The following DLGAP1 variants were observed in gnomAD, a reference collection of about 807,000 sequenced individuals.
DLGAP1 encodes the protein disks large-associated protein 1.
In DLGAP1, 11 loss-of-function variants were observed where a neutral mutation model predicts 90.8. The ratio of observed to expected loss-of-function variants is 0.12; its 90% confidence interval spans 0.08 to 0.20. DLGAP1 has a LOEUF of 0.20. Ranked by LOEUF, DLGAP1 falls within the 10% of genes least tolerant of loss-of-function variation. DLGAP1 has a pLI of 1.00. For missense variants in DLGAP1, 1,050 were observed against 1,333.8 expected, an observed-to-expected ratio of 0.79 and a Z score of 3.31; for synonymous variants, 558 against 540.7, an observed-to-expected ratio of 1.03 and a Z score of -0.44.
chr18:3,869,282 G>A (rs1438620875), intron 4 of DLGAP1, among the ~76,000 whole-genome samples: 5 of 152,090 alleles, frequency 3.3e-5, no homozygotes, highest in Admixed American at 3.3e-4. Context: ...ATTAATCCAG[G>A]CTGGTGCAGT....
intron 1 of DLGAP1, among the ~76,000 whole-genome samples, chr18:4,281,331 A>G (rs910159471): frequency 6.6e-6 from 1 of 152,042 alleles, no homozygotes; most frequent in Non-Finnish European, 1.5e-5. Flanking sequence ...TGGTTGGATC[A>G]CCTGAGGAAA....
intron 3 of DLGAP1, among the ~76,000 whole-genome samples, chr18:3,897,410 T>C (rs181828857): frequency 4.6e-5 from 7 of 152,320 alleles, no homozygotes; most frequent in East Asian, 3.9e-4. Flanking sequence ...GTATTTTTTT[T>C]CCCAACAAAT....
intron 1 of DLGAP1, among the ~76,000 whole-genome samples, chr18:4,180,385 C>A (rs2077186383): frequency 6.6e-6 from 1 of 152,244 alleles, no homozygotes; most frequent in Admixed American, 6.5e-5. Flanking sequence ...TGGCCAGTCA[C>A]CCCAAAGACA....
intron 8 of DLGAP1, among the ~76,000 whole-genome samples, chr18:3,574,809 ATTTTATTTTATTT>A (rs377535198): frequency 5.1e-5 from 3 of 59,334 alleles, no homozygotes; most frequent in Non-Finnish European, 1.2e-4. Context: ...ATTTTATTTT[ATTTTATTTTATTT>A]TATTTATTTT....
intron 7 of DLGAP1, among the ~76,000 whole-genome samples, chr18:3,583,195 T>C (rs1218503992): frequency 6.1e-5 from 9 of 147,560 alleles, no homozygotes; most frequent in Admixed American, 2.0e-4. Flanking sequence ...CCTTCCTTCC[T>C]TCCTTCCTTC....
chr18:3,574,815 T>G (rs2055015918), intron 8 of DLGAP1, among the ~76,000 whole-genome samples: 1 of 56,854 alleles, frequency 1.8e-5, no homozygotes, highest in African/African-American at 4.9e-5. Context: ...TTTTATTTTA[T>G]TTTATTTTAT....
chr18:4,418,764 G>T (rs1339286440), intron 1 of DLGAP1, among the ~76,000 whole-genome samples: 1 of 152,016 alleles, frequency 6.6e-6, no homozygotes, highest in Non-Finnish European at 1.5e-5. Context: ...AACAGAAAGA[G>T]AAGAGAAACA....
At position 3,499,156 on chromosome 18, in the gene DLGAP1, T is replaced by TCGG; in HGVS notation, c.*28_*29insCCG. ...GGCCGGGGGAGGAGGGGACAGATGC[T>TCGG]TGGCGGCGGCGGCCGGGCTGCGGGG... On this transcript the variant is annotated 3_prime_UTR_variant, in exon 13 of 13. Transcript: ENST00000315677. The surrounding 1 kb of genome is among the most constrained non-coding windows in gnomAD (Gnocchi z 6.4). The TCGG allele has an allele frequency of 6.6e-7, 1 of 1,520,674 alleles. No homozygotes were observed. Among genetic ancestry groups the TCGG allele is most frequent in the Non-Finnish European group, 8.8e-7 (1 of 1,141,758 alleles). The allele number at this position is 1,520,674 out of a possible 1,614,324, so 94.2% of individuals were successfully genotyped here. A position where few individuals can be genotyped will look rare whatever the true frequency, so the allele number is the denominator to read the frequency against.
At chr18:3,564,156 T>A (rs778047193) in intron 9 of DLGAP1, among the ~76,000 whole-genome samples, 2 of 152,188 alleles carry the variant, frequency 1.3e-5, no homozygotes, top group Non-Finnish European at 2.9e-5. Context: ...CATGATGTAC[T>A]GGGTGAAAGG....
rs1175148123 is a variant in DLGAP1 at position 3,882,808 on chromosome 18, C to G, written c.-72-2668G>C. Among the ~76,000 whole-genome samples the G allele has an allele frequency of 2.6e-5, 4 of 152,132 alleles. No individual in the cohort carries two copies. In the East Asian group the frequency reaches 7.7e-4, roughly 29 times the overall value. On this transcript the variant is annotated intron_variant, in intron 3 of 12. Coordinates refer to ENST00000315677, the MANE Select transcript of DLGAP1 (RefSeq NM_004746.4). ...TGCCTGACCAAGTTCCTTCTGACAG[C>G]CTGATTTTCTTTCAAGACTTCCTAC...
intron 1 of DLGAP1, among the ~76,000 whole-genome samples, chr18:4,209,431 C>T (rs976673101): frequency 6.6e-6 from 1 of 152,136 alleles, no homozygotes; most frequent in Non-Finnish European, 1.5e-5. Flanking sequence ...ATCTGATAAG[C>T]AGATTTACCT....
At chr18:4,340,993 C>A (rs181295522) in intron 1 of DLGAP1, among the ~76,000 whole-genome samples, 2 of 152,030 alleles carry the variant, frequency 1.3e-5, no homozygotes, top group Admixed American at 1.3e-4. Flanking sequence ...TAGAAAGAAA[C>A]TTAAATAAGA....
intron 7 of DLGAP1, among the ~76,000 whole-genome samples, chr18:3,674,286 A>T (rs1371671712): frequency 8.5e-5 from 6 of 70,264 alleles, no homozygotes; most frequent in Non-Finnish European, 1.3e-4. Flanking sequence ...TCTTGTCTCT[A>T]TAATATTAAA....
chr18:4,126,227 G>A (rs948079415), intron 2 of DLGAP1, among the ~76,000 whole-genome samples: 70 of 152,160 alleles, frequency 4.6e-4, no homozygotes, highest in Non-Finnish European at 1.0e-3. Flanking sequence ...GATGGATATA[G>A]CAGACCTCTC....
intron 1 of DLGAP1, among the ~76,000 whole-genome samples, chr18:4,229,203 T>C (rs2078250365): frequency 6.6e-6 from 1 of 152,168 alleles, no homozygotes; most frequent in Admixed American, 6.6e-5. Flanking sequence ...TGGAAAGACA[T>C]TCTATGTTTA....
At chr18:4,247,541 C>G (rs1408087545) in intron 1 of DLGAP1, among the ~76,000 whole-genome samples, 5 of 152,138 alleles carry the variant, frequency 3.3e-5, no homozygotes, top group Admixed American at 1.3e-4. Flanking sequence ...TTTCGGAGGC[C>G]GAGCCGAGCG....
At chr18:3,873,831 C>T (rs2070898826) in intron 4 of DLGAP1, among the ~76,000 whole-genome samples, 1 of 152,092 alleles carries the variant, frequency 6.6e-6, no homozygotes. Flanking sequence ...AATCCTGGTC[C>T]TGGAAAACAA....
chr18:3,624,151 A>G (rs1401247080), intron 7 of DLGAP1, among the ~76,000 whole-genome samples: 1 of 152,174 alleles, frequency 6.6e-6, no homozygotes, highest in Non-Finnish European at 1.5e-5. Context: ...CACCTTTCTC[A>G]TGACACAGAG....
At chr18:3,748,806 G>A (rs1385289438) in intron 5 of DLGAP1, among the ~76,000 whole-genome samples, 4 of 152,078 alleles carry the variant, frequency 2.6e-5, no homozygotes, top group Non-Finnish European at 5.9e-5. Context: ...TCAAACACAG[G>A]GCATTTTAGT....
Sources: gnomAD v4.1 joint callset for allele counts (sites outside exome capture counted in the v4.1 genomes callset) on GRCh38, gnomAD v4.1.1 for gene constraint, Gnocchi (gnomAD v3.1) non-coding constraint, MANE v1.5 for transcripts, NCBI Gene and HGNC (gene_info 2026-07-23, HGNC 2026-07-21) for gene names.